SH3KBP1: variants seen among roughly 807,000 people sequenced by gnomAD.
SH3KBP1 encodes SH3 domain containing kinase binding protein 1.
SH3KBP1 carries 8 observed loss-of-function variants against 50.1 expected under a neutral mutation model. The observed-to-expected ratio is 0.16, with a 90% confidence interval of 0.09 to 0.29. The LOEUF (loss-of-function observed/expected upper bound fraction) is 0.29, where lower values mean the gene tolerates loss of function less well. Ranked by LOEUF, SH3KBP1 falls within the 10% of genes least tolerant of loss-of-function variation. The pLI is 1.00. For synonymous variants in SH3KBP1, 227 were observed against 218.6 expected, an observed-to-expected ratio of 1.04 and a Z score of -0.34; for missense variants, 377 against 535.2, an observed-to-expected ratio of 0.70 and a Z score of 2.92.
intron 2 of SH3KBP1, among the ~76,000 whole-genome samples, chrX:19,748,098 G>T (rs1481929268): frequency 8.9e-6 from 1 of 112,257 alleles, no homozygotes; most frequent in Non-Finnish European, 1.9e-5. Flanking sequence ...CTCACCGGTT[G>T]CTTCTTTGGG....
Position 19,794,230 on chromosome X carries a change from CA to C in SH3KBP1, c.162+41894del, listed in dbSNP as rs1218495525. Reference sequence around the variant, plus strand: ...GCAACATGGTGAAACCCTGTCTCTACAAAAAAAAAAAAAAAAAAAAAATCAG... The same window carrying C: ...GCAACATGGTGAAACCCTGTCTCTACAAAAAAAAAAAAAAAAAAAAATCAG... On this transcript the variant is annotated intron_variant, in intron 2 of 17. Coordinates refer to ENST00000397821, the MANE Select transcript of SH3KBP1 (RefSeq NM_031892.3). Among the ~76,000 whole-genome samples the C allele has an allele frequency of 8.6e-3, 234 of 27,333 alleles. 1 individual carries two copies. Among genetic ancestry groups the C allele is most frequent in the Non-Finnish European group, 0.015 (166 of 11,418 alleles). The allele number at this position is 27,333 out of a possible 115,157, so 23.7% of individuals were successfully genotyped here.
At chrX:19,798,802 T>C (rs1872075530) in intron 2 of SH3KBP1, among the ~76,000 whole-genome samples, 1 of 112,289 alleles carries the variant, frequency 8.9e-6, no homozygotes, top group South Asian at 3.7e-4. Flanking sequence ...AGCACACTGC[T>C]TGCATTTATG....
At chrX:19,556,538 A>G (rs139908506) in intron 13 of SH3KBP1, among the ~76,000 whole-genome samples, 2,305 of 111,926 alleles carry the variant, frequency 0.021, 61 homozygotes, top group African/African-American at 0.071. Flanking sequence ...CAATGATTAG[A>G]TTCTGCAGGA....
intron 2 of SH3KBP1, among the ~76,000 whole-genome samples, chrX:19,834,892 G>A (rs1324026232): frequency 3.7e-5 from 4 of 109,446 alleles, no homozygotes; most frequent in Admixed American, 2.9e-4. Flanking sequence ...AAAATTAGTC[G>A]GGCGTGGTGG....
chrX:19,814,698 A>C (rs966607761), intron 2 of SH3KBP1, among the ~76,000 whole-genome samples: 35 of 110,707 alleles, frequency 3.2e-4, no homozygotes, highest in African/African-American at 1.1e-3. Context: ...CCCTATCATA[A>C]ATTGCAATCC....
chrX:19,585,302 T>C (rs757172880), intron 12 of SH3KBP1, among the ~76,000 whole-genome samples: 1 of 111,233 alleles, frequency 9.0e-6, no homozygotes, highest in East Asian at 2.8e-4. Flanking sequence ...CACTGGCACC[T>C]CCCCCTCTTT....
At chrX:19,839,376 G>A (rs1406033002) in intron 1 of SH3KBP1, among the ~76,000 whole-genome samples, 1 of 98,514 alleles carries the variant, frequency 1.0e-5, no homozygotes, top group Admixed American at 1.1e-4. Flanking sequence ...TGGCTCTGTT[G>A]CCCAGGCTGG....
At chrX:19,674,137 T>G (rs947598429) in intron 6 of SH3KBP1, among the ~76,000 whole-genome samples, 1 of 111,657 alleles carries the variant, frequency 9.0e-6, no homozygotes, top group Middle Eastern at 4.2e-3. Flanking sequence ...TTCTCTCCAA[T>G]GTAGGGACAA....
intron 12 of SH3KBP1, among the ~76,000 whole-genome samples, chrX:19,579,467 G>A (rs2066298755): frequency 8.9e-6 from 1 of 112,030 alleles, no homozygotes; most frequent in African/African-American, 3.2e-5. Context: ...GGTGCCGTGT[G>A]GAGGAACCGT....
At chrX:19,813,892 T>A (rs1358407064) in intron 2 of SH3KBP1, among the ~76,000 whole-genome samples, 1 of 112,275 alleles carries the variant, frequency 8.9e-6, no homozygotes, top group African/African-American at 3.2e-5. Flanking sequence ...CTAATATTTG[T>A]TGACAAATTA....
chrX:19,709,139 G>T (rs1253641155), intron 3 of SH3KBP1, among the ~76,000 whole-genome samples: 3 of 111,991 alleles, frequency 2.7e-5, no homozygotes, highest in Non-Finnish European at 5.6e-5. Flanking sequence ...TTCCATAAAG[G>T]CCTGCCTGGT....
At chrX:19,545,548 C>T (rs901852639) in intron 15 of SH3KBP1, among the ~76,000 whole-genome samples, 3 of 112,046 alleles carry the variant, frequency 2.7e-5, no homozygotes, top group African/African-American at 9.7e-5. Flanking sequence ...AAGACAAGAT[C>T]TGTGGGCAGA....
intron 12 of SH3KBP1, among the ~76,000 whole-genome samples, chrX:19,585,278 G>A (rs1390664558): frequency 9.0e-6 from 1 of 111,394 alleles, no homozygotes; most frequent in Non-Finnish European, 1.9e-5. Context: ...AGGCAAAATT[G>A]AACAAAATAT....
chrX:19,710,538 G>A (rs1332802810), intron 3 of SH3KBP1, among the ~76,000 whole-genome samples: 1 of 112,113 alleles, frequency 8.9e-6, no homozygotes, highest in Non-Finnish European at 1.9e-5. Flanking sequence ...TTGAGAAAGA[G>A]AAAGAGAACA....
chrX:19,795,574 C>T (rs1393423906), intron 2 of SH3KBP1, among the ~76,000 whole-genome samples: 1 of 111,503 alleles, frequency 9.0e-6, no homozygotes, highest in East Asian at 2.8e-4. Context: ...ATTTCTGAGG[C>T]CATTACAGAG....
chrX:19,563,740 C>T (rs191593259), intron 13 of SH3KBP1, among the ~76,000 whole-genome samples: 3 of 112,033 alleles, frequency 2.7e-5, no homozygotes, highest in Non-Finnish European at 5.6e-5. Flanking sequence ...GACTGTAGAC[C>T]AGTAGCAACC....
chrX:19,548,851 G>A (rs1386043672), intron 14 of SH3KBP1, among the ~76,000 whole-genome samples: 2 of 111,146 alleles, frequency 1.8e-5, no homozygotes, highest in African/African-American at 3.3e-5. Flanking sequence ...GAGAGAAATC[G>A]AACTTATACA....
chrX:19,589,066 T>A (rs2066659223), intron 11 of SH3KBP1, among the ~76,000 whole-genome samples: 1 of 111,944 alleles, frequency 8.9e-6, no homozygotes, highest in African/African-American at 3.2e-5. Flanking sequence ...TTCAGCATAC[T>A]CCAGCTCTTC....
chrX:19,670,368 G>T (rs1251953277), intron 6 of SH3KBP1: 9 of 753,416 alleles, frequency 1.2e-5, no homozygotes, highest in Non-Finnish European at 1.4e-5. Context: ...AGAGTGAAAC[G>T]CCCCACAGCT....
Sources: gnomAD v4.1 joint callset for allele counts (sites outside exome capture counted in the v4.1 genomes callset) on GRCh38, gnomAD v4.1.1 for gene constraint, MANE v1.5 for transcripts, NCBI Gene and HGNC (gene_info 2026-07-23, HGNC 2026-07-21) for gene names.